IMMP2L: variants seen among roughly 807,000 people sequenced by gnomAD.
IMMP2L encodes mitochondrial inner membrane protease subunit 2.
IMMP2L carries 18 observed loss-of-function variants against 19.3 expected under a neutral mutation model. The observed-to-expected ratio is 0.93, with a 90% CI of 0.64 to 1.38. IMMP2L has a LOEUF of 1.38. Among genes scored for constraint, IMMP2L ranks in the 40% most tolerant of loss-of-function variants. The pLI is 0.00. For synonymous variants in IMMP2L, 76 were observed against 73.0 expected (o/e 1.04, Z -0.21); for missense variants, 233 against 218.2 (o/e 1.07, Z -0.43).
chr7:110,979,880 T>G (rs758977826), intron 3 of IMMP2L, among the ~76,000 whole-genome samples: 2 of 152,084 alleles, frequency 1.3e-5, no homozygotes, highest in African/African-American at 4.8e-5. Context: ...ATAAATATAC[T>G]AAAAAATGTT....
intron 3 of IMMP2L, among the ~76,000 whole-genome samples, chr7:111,461,203 G>A (rs954969682): frequency 3.3e-5 from 5 of 151,808 alleles, no homozygotes; most frequent in Non-Finnish European, 5.9e-5. Context: ...CCTAAAATAC[G>A]TTCCTCACAA....
chr7:111,253,523 T>G (rs990464516), intron 3 of IMMP2L, among the ~76,000 whole-genome samples: 9 of 152,172 alleles, frequency 5.9e-5, no homozygotes, highest in Non-Finnish European at 1.2e-4. Flanking sequence ...TGATTCTATT[T>G]GGCTGTGAAG....
At chr7:110,827,150 C>T (rs1014256767) in intron 5 of IMMP2L, among the ~76,000 whole-genome samples, 7 of 151,920 alleles carry the variant, frequency 4.6e-5, no homozygotes, top group African/African-American at 1.7e-4. Context: ...TTGGAAATAC[C>T]CAGGGGTTTA....
chr7:111,079,149 G>A (rs1283639756), intron 3 of IMMP2L, among the ~76,000 whole-genome samples: 4 of 147,498 alleles, frequency 2.7e-5, no homozygotes, highest in South Asian at 2.1e-4. Flanking sequence ...ACGGAGTCTC[G>A]CTCTGTCGCC....
intron 3 of IMMP2L, among the ~76,000 whole-genome samples, chr7:111,262,905 G>C (rs1006408070): frequency 3.3e-5 from 5 of 152,096 alleles, no homozygotes; most frequent in African/African-American, 9.7e-5. Flanking sequence ...TTAATTAATA[G>C]AGTTTGATAC....
chr7:111,520,802 C>A (rs1218761416), intron 2 of IMMP2L, among the ~76,000 whole-genome samples: 1 of 152,142 alleles, frequency 6.6e-6, no homozygotes, highest in Non-Finnish European at 1.5e-5. Context: ...GAAATCTCCA[C>A]TCCAAAGTTC....
At chr7:110,852,735 C>A (rs1481780220) in intron 5 of IMMP2L, among the ~76,000 whole-genome samples, 1 of 151,946 alleles carries the variant, frequency 6.6e-6, no homozygotes, top group Admixed American at 6.6e-5. Flanking sequence ...CATGTAGAAC[C>A]ATGAAATATT....
intron 3 of IMMP2L, among the ~76,000 whole-genome samples, chr7:111,408,619 G>C (rs1317516404): frequency 2.0e-5 from 3 of 151,666 alleles, no homozygotes; most frequent in Admixed American, 6.6e-5. Context: ...TCATATGAAA[G>C]TTCAGTAATA....
intron 3 of IMMP2L, among the ~76,000 whole-genome samples, chr7:111,469,169 A>G (rs1563230901): frequency 6.6e-6 from 1 of 152,116 alleles, no homozygotes; most frequent in Non-Finnish European, 1.5e-5. Context: ...CTTGTAGTAT[A>G]GTTTGAAGTC....
chr7:111,078,918 C>T (rs147228615), intron 3 of IMMP2L, among the ~76,000 whole-genome samples: 72 of 151,972 alleles, frequency 4.7e-4, no homozygotes, highest in Middle Eastern at 3.4e-3. Flanking sequence ...TTAGTAGAGA[C>T]GGGGTTTCAC....
chr7:111,352,744 T>C (rs538596920), intron 3 of IMMP2L, among the ~76,000 whole-genome samples: 7 of 152,246 alleles, frequency 4.6e-5, no homozygotes, highest in African/African-American at 1.2e-4. Flanking sequence ...GTGAGAGGCA[T>C]TGGACCTGTA....
chr7:110,980,513 G>A (rs1331631374), intron 3 of IMMP2L, among the ~76,000 whole-genome samples: 1 of 152,046 alleles, frequency 6.6e-6, no homozygotes, highest in Non-Finnish European at 1.5e-5. Flanking sequence ...ACTCCGCCCG[G>A]CCTATTTGTG....
intron 1 of IMMP2L, among the ~76,000 whole-genome samples, chr7:111,544,220 G>C (rs1848718224): frequency 6.6e-6 from 1 of 151,850 alleles, no homozygotes; most frequent in South Asian, 2.1e-4. Context: ...ACACAGGATG[G>C]GGAACATCAC....
intron 2 of IMMP2L, among the ~76,000 whole-genome samples, chr7:111,511,639 C>G (rs111350856): frequency 0.019 from 2,926 of 150,246 alleles, 107 homozygotes; most frequent in African/African-American, 0.068. Context: ...ACAGAGTCTC[C>G]CTCTGTTGAA....
intron 3 of IMMP2L, 125 bp downstream of exon 3, chr7:111,487,113 C>T (rs1842721092): frequency 4.3e-6 from 2 of 462,288 alleles, no homozygotes; most frequent in Admixed American, 3.4e-5. Flanking sequence ...TTTAAAAATG[C>T]ATTGTATTTA....
At chr7:110,872,283 G>A (rs576809643) in intron 5 of IMMP2L, among the ~76,000 whole-genome samples, 10 of 152,162 alleles carry the variant, frequency 6.6e-5, no homozygotes, top group Admixed American at 5.9e-4. Flanking sequence ...TCTACTTCTC[G>A]AAAGTTACTT....
At chr7:110,819,844 G>C (rs747905042) in intron 5 of IMMP2L, among the ~76,000 whole-genome samples, 11 of 151,392 alleles carry the variant, frequency 7.3e-5, no homozygotes, top group Non-Finnish European at 1.3e-4. Context: ...TGATTTCCAT[G>C]GTGTGTGTAA....
chr7:111,217,875 AT>A (rs1270690110), intron 3 of IMMP2L, among the ~76,000 whole-genome samples: 1 of 152,024 alleles, frequency 6.6e-6, no homozygotes, highest in African/African-American at 2.4e-5. Context: ...TAAGTTTAGT[AT>A]TTTTGGCAAG....
At position 110,671,522 on chromosome 7, in the gene IMMP2L, C is replaced by G. The variant is rs368475742; in HGVS notation, c.409-7801G>C. On this transcript the variant is annotated intron_variant, in intron 5 of 5. Coordinates refer to ENST00000405709, the MANE Select transcript of IMMP2L (RefSeq NM_032549.4). ...ATGGGTTTGTTTTGCCCACACAATG[C>G]CAACGAACCACATGGACTAAATTTG... 2.6e-5 allele frequency among the ~76,000 whole-genome samples: 4 copies of G among 152,232 alleles called. No individual in the cohort carries two copies. The East Asian group carries it at 5.8e-4, about 22-fold the overall frequency.
Sources: gnomAD v4.1 joint callset for allele counts (sites outside exome capture counted in the v4.1 genomes callset) on GRCh38, gnomAD v4.1.1 for gene constraint, MANE v1.5 for transcripts, NCBI Gene and HGNC (gene_info 2026-07-23, HGNC 2026-07-21) for gene names.